Variants in ABHD14A observed in about 807,000 individuals in gnomAD.
ABHD14A encodes protein ABHD14A.
In ABHD14A, 19 loss-of-function variants were observed where a neutral mutation model predicts 27.0. The ratio of observed to expected loss-of-function variants is 0.70; its 90% CI spans 0.49 to 1.03. The LOEUF (loss-of-function observed/expected upper bound fraction) is 1.03. ABHD14A is among the 50% of genes least tolerant of loss of function. ABHD14A has a pLI of 0.00. For synonymous variants in ABHD14A, 148 were observed against 158.8 expected (o/e 0.93, Z 0.51); for missense variants, 311 against 344.6 (o/e 0.90, Z 0.77).
intron 1 of ABHD14A, among the ~76,000 whole-genome samples, chr3:51,975,479 G>A (rs1418313741): frequency 6.6e-6 from 1 of 151,176 alleles, no homozygotes; most frequent in Non-Finnish European, 1.5e-5. Flanking sequence ...GTTCGTTGAT[G>A]TCTGCCTGCT....
At chr3:51,979,685 A>G (rs1160599637) in intron 3 of ABHD14A, among the ~76,000 whole-genome samples, 1 of 151,400 alleles carries the variant, frequency 6.6e-6, no homozygotes, top group Non-Finnish European at 1.5e-5. Flanking sequence ...GGGTTTCACC[A>G]TGTTGGTCAG....
In ABHD14A at chr3:51,975,065, CA is replaced by C; in HGVS notation, c.-70del. The C allele has an allele frequency of 1.6e-6, 2 of 1,262,914 alleles. No individual in the cohort carries two copies. Among genetic ancestry groups the C allele is most frequent in the Non-Finnish European group, 2.0e-6 (2 of 1,003,392 alleles). The allele number at this position is 1,262,914 out of a possible 1,614,324, so 78.2% of individuals were successfully genotyped here. A position where few individuals can be genotyped will look rare whatever the true frequency, so the allele number is the denominator to read the frequency against. ...TGCAGGCCCGCGGCTGCGGAGTGCG[CA>C]GGCGCGCCGAGATGGCCGCGCTCCT... On this transcript the variant is annotated 5_prime_UTR_variant, in exon 1 of 5. Transcript: ENST00000273596.
intron 3 of ABHD14A, among the ~76,000 whole-genome samples, chr3:51,979,480 T>C (rs1253748188): frequency 6.7e-6 from 1 of 149,224 alleles, no homozygotes; most frequent in Non-Finnish European, 1.5e-5. Flanking sequence ...TTTCTTTTTT[T>C]GTTTTTTGTT....
chr3:51,980,548 C>T lies in ABHD14A; in HGVS notation c.553C>T (p.His185Tyr). 1 of 1,614,106 alleles carries T rather than the reference C, an allele frequency of 6.2e-7. No individual in the cohort carries two copies. Among genetic ancestry groups the T allele is most frequent in the Non-Finnish European group, 8.5e-7 (1 of 1,180,042 alleles). Residue 185 changes from histidine to tyrosine, a missense_variant, in exon 4 of 5, where the codon CAC (histidine) becomes TAC (tyrosine). Transcript: ENST00000273596. The stretch of plus-strand genomic sequence containing the variant: ...TGCCCTGCCCTTCCTGATGCGAGGC[C>T]ACCACCAGCTACATGGATTTGTGCC... ...HYALPFLMRG[H>Y]HQLHGFVPIA...
intron 3 of ABHD14A, among the ~76,000 whole-genome samples, chr3:51,980,018 G>A (rs1038779638): frequency 6.6e-6 from 1 of 151,886 alleles, no homozygotes; most frequent in South Asian, 2.1e-4. Context: ...GCCCCCCGGG[G>A]TTCATGCCAT....
At chr3:51,977,621 G>A (rs1334991959) in intron 1 of ABHD14A, among the ~76,000 whole-genome samples, 3 of 152,186 alleles carry the variant, frequency 2.0e-5, no homozygotes, top group Admixed American at 6.5e-5. Context: ...TGATGGTGGC[G>A]GTCACTGAGC....
chr3:51,978,808 T>C, intron 3 of ABHD14A: 1 of 222,512 alleles, frequency 4.5e-6, no homozygotes, highest in Non-Finnish European at 9.6e-6. Context: ...GCCAGGCTGG[T>C]CCTGAACTCC....
In ABHD14A at chr3:51,978,599, A is replaced by G. The variant is rs916526103; in HGVS notation, c.397+225A>G. On this transcript the variant is annotated intron_variant, in intron 3 of 4. Coordinates refer to ENST00000273596, the MANE Select transcript of ABHD14A (RefSeq NM_015407.5). ...CTTTCTTTTTTTTTATTTTATTTAT[A>G]TATATTTTTTGAAACAGAGTCTCGC... 5 of 291,092 alleles carry G rather than the reference A, an allele frequency of 1.7e-5. 1 individual carries two copies. The South Asian group carries it at 3.1e-4, about 18-fold the overall frequency. The allele number at this position is 291,092 out of a possible 1,614,324, so 18.0% of individuals were successfully genotyped here. A position where few individuals can be genotyped will look rare whatever the true frequency, so the allele number is the denominator to read the frequency against.
At chr3:51,976,543 G>A (rs1700792024) in intron 1 of ABHD14A, among the ~76,000 whole-genome samples, 1 of 152,224 alleles carries the variant, frequency 6.6e-6, no homozygotes, top group Non-Finnish European at 1.5e-5. Flanking sequence ...GGGCGCGGTG[G>A]CGGGAGCCTG....
chr3:51,975,828 G>A (rs1047744949), intron 1 of ABHD14A, among the ~76,000 whole-genome samples: 2 of 152,200 alleles, frequency 1.3e-5, no homozygotes, highest in Non-Finnish European at 2.9e-5. Context: ...GCATGTACAT[G>A]CAGGGAATAG....
intron 1 of ABHD14A, 80 bp downstream of exon 1, chr3:51,975,284 G>C (rs1577713851): frequency 1.7e-6 from 2 of 1,202,370 alleles, no homozygotes; most frequent in Non-Finnish European, 2.1e-6. Context: ...CCGGCGCCCC[G>C]GGGCAGAGTC....
rs1208536587 is a variant in ABHD14A at position 51,975,205 on chromosome 3, G to C, written c.69+1G>C. The C allele has an allele frequency of 2.4e-6, 3 of 1,262,536 alleles. No homozygotes were observed. Among genetic ancestry groups the C allele is most frequent in the Non-Finnish European group, 3.0e-6 (3 of 1,003,536 alleles). The allele number at this position is 1,262,536 out of a possible 1,614,324, so 78.2% of individuals were successfully genotyped here. On this transcript the variant is annotated splice_donor_variant, in intron 1 of 4. Coordinates refer to ENST00000273596, the MANE Select transcript of ABHD14A (RefSeq NM_015407.5). LOFTEE classifies it high-confidence loss of function. ...CCGCCCGCTCATCCCGTTGGGCCCG[G>C]TGAGTCTCCCGGGGGAGGGAGGCCG...
chr3:51,979,981 G>A (rs542500767), intron 3 of ABHD14A, among the ~76,000 whole-genome samples: 1 of 151,560 alleles, frequency 6.6e-6, no homozygotes, highest in East Asian at 1.9e-4. Context: ...GAGTGCAGTG[G>A]CATGATCTCG....
chr3:51,975,104 C>A lies in ABHD14A; in HGVS notation c.-32C>A, dbSNP rs1202609115. The A allele has an allele frequency of 1.6e-6, 2 of 1,286,454 alleles. No individual in the cohort carries two copies. Among genetic ancestry groups the A allele is most frequent in the Non-Finnish European group, 2.0e-6 (2 of 1,016,610 alleles). 79.7% of individuals were successfully genotyped at this position (1,286,454 alleles called of 1,614,324 possible). On this transcript the variant is annotated 5_prime_UTR_variant, in exon 1 of 5. Transcript: ENST00000273596. ...TGGCCGCGCTCCTGGCCGCCTAGAG[C>A]CGGAGCGGCCCGCGGAGCTGCGGAG...
intron 3 of ABHD14A, 168 bp from the exon 4 acceptor site, chr3:51,980,225 A>C (rs1249244527): frequency 1.4e-6 from 1 of 734,972 alleles, no homozygotes; most frequent in Non-Finnish European, 2.5e-6. Context: ...CTCGGCCAAG[A>C]TATGCTTTTC....
chr3:51,978,029 T>A lies in ABHD14A; in HGVS notation c.228T>A (p.Pro76=). Residue 76 remains proline, a synonymous_variant, in exon 2 of 5, where the codon CCT becomes CCA. Coordinates refer to ENST00000273596, the MANE Select transcript of ABHD14A (RefSeq NM_015407.5). ...TCACAGTCCTGGCTGGTCTCACCCC[T>A]GGCAACTCGCCCATCTTTTACCGCG... The part of the protein sequence containing the change: ...PNVTVLAGLT[P]GNSPIFYREV... 1 of 1,614,040 alleles carries A rather than the reference T, an allele frequency of 6.2e-7. No individual in the cohort carries two copies. The highest frequency in any genetic ancestry group is 8.5e-7 in the Non-Finnish European group (1 of 1,180,026).
chr3:51,980,245 T>C (rs1452352663), intron 3 of ABHD14A, 148 bp from the exon 4 acceptor site: 4 of 759,832 alleles, frequency 5.3e-6, no homozygotes, highest in Non-Finnish European at 9.4e-6. Flanking sequence ...CTAACAGGCA[T>C]ATTACATTAC....
Position 51,980,867 on chromosome 3 carries a change from A to G in ABHD14A, c.665A>G (p.Asp222Gly). 1 of 1,614,022 alleles carries G rather than the reference A, an allele frequency of 6.2e-7. No individual in the cohort carries two copies. The highest frequency in any genetic ancestry group is 8.5e-7 in the Non-Finnish European group (1 of 1,179,968). Residue 222 changes from aspartate (D) to glycine (G), a missense_variant, in exon 5 of 5, where the codon GAC becomes GGC. Coordinates refer to ENST00000273596, the MANE Select transcript of ABHD14A (RefSeq NM_015407.5). ...ACCCTTATCCTGTATGGAGAGCTGG[A>G]CCACATCCTGGCTCGAGAGTCACTG... ...TPTLILYGEL[D>G]HILARESLRQ...
At chr3:51,975,289 A>C (rs1453396811) in intron 1 of ABHD14A, 85 bp downstream of exon 1, 1 of 1,191,240 alleles carries the variant, frequency 8.4e-7, no homozygotes, top group African/African-American at 1.6e-5. Context: ...GCCCCGGGGC[A>C]GAGTCCCGCG....
Sources: allele counts gnomAD v4.1 joint callset (sites outside exome capture counted in the v4.1 genomes callset), GRCh38; gene constraint gnomAD v4.1.1; transcripts MANE v1.5; gene names NCBI Gene and HGNC (gene_info 2026-07-23, HGNC 2026-07-21).